The following NTM variants were observed in gnomAD, a reference collection of about 807,000 sequenced individuals.
NTM encodes IgLON family member 2.
A neutral mutation model predicts 42.1 loss-of-function variants in NTM; 13 were observed. That is an observed-to-expected ratio of 0.31 (90% CI 0.20 to 0.49). The LOEUF is 0.49. Among genes scored for constraint, NTM ranks in the 20% least tolerant of loss-of-function variants. NTM has a pLI of 0.99. For synonymous variants in NTM, 187 were observed against 179.2 expected (o/e 1.04, Z -0.35); for missense variants, 373 against 452.8 (o/e 0.82, Z 1.60).
At chr11:131,961,198 G>GA (rs1022931775) in intron 2 of NTM, among the ~76,000 whole-genome samples, 5 of 152,190 alleles carry the variant, frequency 3.3e-5, no homozygotes, top group Admixed American at 6.5e-5. Context: ...TCCTGAATTT[G>GA]AAAAAACCTT....
At chr11:131,750,993 T>C (rs2082425724) in intron 1 of NTM, among the ~76,000 whole-genome samples, 1 of 152,138 alleles carries the variant, frequency 6.6e-6, no homozygotes, top group African/African-American at 2.4e-5. Context: ...GACTCCCACA[T>C]GGGGCTTTTT....
chr11:132,259,328 A>G (rs958817692), intron 4 of NTM, among the ~76,000 whole-genome samples: 1 of 151,622 alleles, frequency 6.6e-6, no homozygotes, highest in Non-Finnish European at 1.5e-5. Context: ...AGCTCAAATG[A>G]AAAAAAGAAA....
intron 1 of NTM, among the ~76,000 whole-genome samples, chr11:131,781,574 T>C (rs1020359101): frequency 6.6e-6 from 1 of 152,188 alleles, no homozygotes; most frequent in Non-Finnish European, 1.5e-5. Flanking sequence ...AATTAATTAA[T>C]GGAATATAGC....
chr11:131,451,470 T>C (rs1263004294), intron 1 of NTM, among the ~76,000 whole-genome samples: 1 of 152,046 alleles, frequency 6.6e-6, no homozygotes, highest in African/African-American at 2.4e-5. Context: ...TAGAGAAGGC[T>C]TTGTGGAAGA....
intron 1 of NTM, among the ~76,000 whole-genome samples, chr11:131,509,244 G>A (rs1446672689): frequency 2.6e-5 from 4 of 152,062 alleles, no homozygotes; most frequent in Admixed American, 6.6e-5. Flanking sequence ...GGGGCTTTGG[G>A]GTTGCTTATG....
At chr11:132,299,301 AC>A (rs1187728426) in intron 4 of NTM, among the ~76,000 whole-genome samples, 1 of 148,024 alleles carries the variant, frequency 6.8e-6, no homozygotes, top group Non-Finnish European at 1.5e-5. Flanking sequence ...TCTCAAAAAA[AC>A]AAAACAAAAC....
chr11:132,038,226 G>T (rs966563087), intron 2 of NTM, among the ~76,000 whole-genome samples: 1 of 152,300 alleles, frequency 6.6e-6, no homozygotes, highest in South Asian at 2.1e-4. Context: ...TTTCTCTAGG[G>T]GTAAAGGGTT....
intron 1 of NTM, among the ~76,000 whole-genome samples, chr11:131,541,097 C>A (rs1347865555): frequency 6.6e-6 from 1 of 152,228 alleles, no homozygotes. Flanking sequence ...CGTGCTTCTT[C>A]ATTACTCGAA....
intron 1 of NTM, among the ~76,000 whole-genome samples, chr11:131,475,580 T>G (rs1051482841): frequency 6.6e-6 from 1 of 152,182 alleles, no homozygotes; most frequent in Non-Finnish European, 1.5e-5. Flanking sequence ...GGGTAAATCA[T>G]GTGGGATGAT....
chr11:132,010,755 C>T (rs1450020937), intron 2 of NTM, among the ~76,000 whole-genome samples: 1 of 152,020 alleles, frequency 6.6e-6, no homozygotes, highest in East Asian at 1.9e-4. Flanking sequence ...CCCTGTAAAG[C>T]GTTTCCACTC....
At chr11:131,845,708 G>A (rs1437043718) in intron 1 of NTM, among the ~76,000 whole-genome samples, 1 of 150,176 alleles carries the variant, frequency 6.7e-6, no homozygotes, top group African/African-American at 2.5e-5. Context: ...TACATTCCTG[G>A]ATTTTTTTTA....
intron 1 of NTM, among the ~76,000 whole-genome samples, chr11:131,507,371 AT>A (rs1354120831): frequency 1.3e-5 from 2 of 150,976 alleles, no homozygotes; most frequent in African/African-American, 2.4e-5. Context: ...AGTTGTAGAT[AT>A]GCGGCGTTAT....
At chr11:131,833,205 G>A (rs2043045213) in intron 1 of NTM, among the ~76,000 whole-genome samples, 1 of 152,130 alleles carries the variant, frequency 6.6e-6, no homozygotes, top group African/African-American at 2.4e-5. Flanking sequence ...GAAGAATTGT[G>A]GTGCAGTGGA....
At chr11:131,480,397 A>C (rs1230161396) in intron 1 of NTM, among the ~76,000 whole-genome samples, 1 of 152,122 alleles carries the variant, frequency 6.6e-6, no homozygotes, top group Non-Finnish European at 1.5e-5. Context: ...GCTTGATACT[A>C]GGCATTTTCA....
intron 3 of NTM, among the ~76,000 whole-genome samples, chr11:132,208,043 T>C (rs941849379): frequency 2.0e-5 from 3 of 152,204 alleles, no homozygotes; most frequent in Non-Finnish European, 2.9e-5. Context: ...TCAATGAATA[T>C]TGAAGAAGGA....
chr11:131,677,245 C>A (rs537626042), intron 1 of NTM, among the ~76,000 whole-genome samples: 1 of 152,212 alleles, frequency 6.6e-6, no homozygotes, highest in African/African-American at 2.4e-5. Context: ...CCACTTCAGG[C>A]CATTTGAGTT....
intron 2 of NTM, among the ~76,000 whole-genome samples, chr11:132,138,395 CA>C (rs916846733): frequency 1.3e-5 from 2 of 152,076 alleles, no homozygotes; most frequent in African/African-American, 2.4e-5. Context: ...ATTTGTCTAA[CA>C]AACAATAAGG....
chr11:132,096,405 A>G (rs1023700370), intron 2 of NTM, among the ~76,000 whole-genome samples: 1 of 152,190 alleles, frequency 6.6e-6, no homozygotes, highest in Non-Finnish European at 1.5e-5. Flanking sequence ...ATCAGAATAC[A>G]GGGCTGTAAT....
chr11:131,736,911 G>A (rs375333753), intron 1 of NTM, among the ~76,000 whole-genome samples: 1 of 152,122 alleles, frequency 6.6e-6, no homozygotes, highest in Non-Finnish European at 1.5e-5. Context: ...TGTCACATAC[G>A]TTTACTTTAA....
Sources: allele counts gnomAD v4.1 joint callset (sites outside exome capture counted in the v4.1 genomes callset), GRCh38; gene constraint gnomAD v4.1.1; transcripts MANE v1.5; gene names NCBI Gene and HGNC (gene_info 2026-07-23, HGNC 2026-07-21).